ELK3: variants seen among roughly 807,000 people sequenced by gnomAD.
The protein encoded by ELK3 is ETS domain-containing protein Elk-3.
A neutral mutation model predicts 28.9 loss-of-function variants in ELK3; 10 were observed. The observed-to-expected ratio is 0.35, with a 90% confidence interval of 0.21 to 0.59. The LOEUF is 0.59. Ranked by LOEUF, ELK3 falls within the 20% of genes least tolerant of loss-of-function variation. The probability of loss-of-function intolerance (pLI) is 0.82; values close to 1 mark genes in which losing one functional copy is unlikely to be tolerated. For synonymous variants in ELK3, 272 were observed against 243.5 expected (o/e 1.12, Z -1.09); for missense variants, 463 against 517.3 (o/e 0.90, Z 1.02).
chr12:96,234,712 C>T (rs1420168485), intron 2 of ELK3, among the ~76,000 whole-genome samples: 1 of 152,156 alleles, frequency 6.6e-6, no homozygotes, highest in African/African-American at 2.4e-5. Flanking sequence ...TGCTGGTGGT[C>T]GATATTGAGC....
chr12:96,219,206 A>C (rs150683122), intron 1 of ELK3, among the ~76,000 whole-genome samples: 1 of 152,174 alleles, frequency 6.6e-6, no homozygotes, highest in African/African-American at 2.4e-5. Context: ...ACATTCCTTA[A>C]AGTGGCATCC....
At chr12:96,266,186 T>C (rs1952028139) in intron 4 of ELK3, among the ~76,000 whole-genome samples, 1 of 152,196 alleles carries the variant, frequency 6.6e-6, no homozygotes, top group African/African-American at 2.4e-5. Context: ...TGCAAAAACA[T>C]ATTTACTTAA....
chr12:96,257,912 T>C (rs1951963490), intron 3 of ELK3, among the ~76,000 whole-genome samples: 1 of 152,234 alleles, frequency 6.6e-6, no homozygotes, highest in South Asian at 2.1e-4. Flanking sequence ...TAATTACCAA[T>C]CCATTTATTC....
intron 4 of ELK3, among the ~76,000 whole-genome samples, chr12:96,263,178 C>CTATAGCAGGT (rs1480433004): frequency 1.3e-5 from 2 of 152,036 alleles, no homozygotes; most frequent in East Asian, 3.8e-4. Context: ...AATATGATTA[C>CTATAGCAGGT]TATAGCAGGT....
rs1952047260 is a variant in ELK3, at chr12:96,267,673, T to C, written c.*493T>C. On this transcript the variant is annotated 3_prime_UTR_variant, in exon 5 of 5. Transcript: ENST00000228741. Reference sequence around the variant, plus strand: ...AAACAGCTCTCTAGTAGAATTTCATTATTTTTCACCAGTGGGCAATATGAA... The same window carrying C: ...AAACAGCTCTCTAGTAGAATTTCATCATTTTTCACCAGTGGGCAATATGAA... 1 of 152,762 alleles carries C rather than the reference T, an allele frequency of 6.5e-6. No homozygotes were observed. Among genetic ancestry groups the C allele is most frequent in the Admixed American group, 6.5e-5 (1 of 15,294 alleles). The allele number at this position is 152,762 out of a possible 1,614,324, so 9.5% of individuals were successfully genotyped here.
chr12:96,216,804 G>C (rs1366230623), intron 1 of ELK3, among the ~76,000 whole-genome samples: 1 of 152,180 alleles, frequency 6.6e-6, no homozygotes, highest in Non-Finnish European at 1.5e-5. Context: ...TACCTATGAG[G>C]ATACTGAGGC....
At chr12:96,231,639 C>T (rs1463489090) in intron 2 of ELK3, among the ~76,000 whole-genome samples, 5 of 152,182 alleles carry the variant, frequency 3.3e-5, no homozygotes, top group Non-Finnish European at 7.3e-5. Context: ...ATTACAGGTG[C>T]GTCCCACCAT....
intron 1 of ELK3, among the ~76,000 whole-genome samples, chr12:96,217,733 C>A (rs905213921): frequency 6.6e-6 from 1 of 151,886 alleles, no homozygotes; most frequent in Non-Finnish European, 1.5e-5. Context: ...GTCAGGAGAT[C>A]GAGACCATCT....
rs34565681 is a variant in ELK3, at chr12:96,217,937, C to CAAAAAA, written c.-2-5613_-2-5608dup. 4.7e-5 allele frequency among the ~76,000 whole-genome samples: 4 copies of CAAAAAA among 85,708 alleles called. 1 individual carries two copies. Among genetic ancestry groups the CAAAAAA allele is most frequent in the Admixed American group, 1.3e-4 (1 of 7,688 alleles). The allele number at this position is 85,708 out of a possible 152,430, so 56.2% of individuals were successfully genotyped here. ...TGAGGGACAAAGAGAGACGCCGTCT[C>CAAAAAA]AAAAAAAAAAAAAAAAAAAATCATT... is the stretch of plus-strand genomic sequence containing the variant. On this transcript the variant is annotated intron_variant, in intron 1 of 4. Coordinates refer to ENST00000228741, the MANE Select transcript of ELK3 (RefSeq NM_005230.4).
chr12:96,208,855 C>T (rs896300785), intron 1 of ELK3, among the ~76,000 whole-genome samples: 2 of 152,060 alleles, frequency 1.3e-5, no homozygotes, highest in African/African-American at 4.8e-5. Flanking sequence ...GGTCCCGGGC[C>T]AGGTGCAGCT....
intron 3 of ELK3, among the ~76,000 whole-genome samples, chr12:96,256,764 G>A (rs1011369674): frequency 3.3e-5 from 5 of 152,232 alleles, no homozygotes; most frequent in Non-Finnish European, 7.3e-5. Flanking sequence ...GTTGAGGGGA[G>A]ATCAGGAAAG....
intron 3 of ELK3, among the ~76,000 whole-genome samples, chr12:96,248,414 T>G (rs572805452): frequency 6.6e-6 from 1 of 152,358 alleles, no homozygotes; most frequent in Non-Finnish European, 1.5e-5. Flanking sequence ...CTTGTCCAGC[T>G]GACAATTGCA....
chr12:96,256,489 T>G (rs1025375828), intron 3 of ELK3, among the ~76,000 whole-genome samples: 10 of 151,910 alleles, frequency 6.6e-5, no homozygotes, highest in African/African-American at 2.4e-4. Context: ...CTTCATGAAG[T>G]TGGAGCATGG....
intron 1 of ELK3, among the ~76,000 whole-genome samples, chr12:96,204,808 A>G (rs1951529576): frequency 2.6e-5 from 4 of 152,206 alleles, no homozygotes; most frequent in African/African-American, 9.6e-5. Flanking sequence ...CTAACACTAA[A>G]AGTTAACAAT....
At chr12:96,217,220 C>T (rs566459526) in intron 1 of ELK3, among the ~76,000 whole-genome samples, 7 of 152,376 alleles carry the variant, frequency 4.6e-5, no homozygotes, top group African/African-American at 1.7e-4. Context: ...CACTGCACTC[C>T]AGCCTGGCTG....
Position 96,206,829 on chromosome 12 carries a change from C to A in ELK3, c.-3+12124C>A, listed in dbSNP as rs2137002632. Among the ~76,000 whole-genome samples, 2 of 152,264 alleles carry A rather than the reference C, an allele frequency of 1.3e-5. 1 individual carries two copies. Among genetic ancestry groups the A allele is most frequent in the South Asian group, 4.1e-4 (2 of 4,822 alleles). On this transcript the variant is annotated intron_variant, in intron 1 of 4. Coordinates refer to ENST00000228741, the MANE Select transcript of ELK3 (RefSeq NM_005230.4). Reference sequence around the variant, plus strand: ...TGTTTGATGTTAATGCCACCAACAGCCAGTCTCTTCCATCAGATGCTTTTG... The same window carrying A: ...TGTTTGATGTTAATGCCACCAACAGACAGTCTCTTCCATCAGATGCTTTTG...
intron 2 of ELK3, among the ~76,000 whole-genome samples, chr12:96,245,943 TAAAAATACTGTCAATGAATGTCA>T (rs2137032045): frequency 6.6e-6 from 1 of 152,282 alleles, no homozygotes; most frequent in East Asian, 1.9e-4. Context: ...CGCTAGCAAC[TAAAAATACTGTCAATGAATGTCA>T]CAGATATCCA....
chr12:96,224,888 A>G (rs989393167), intron 2 of ELK3, among the ~76,000 whole-genome samples: 3 of 152,164 alleles, frequency 2.0e-5, no homozygotes, highest in East Asian at 1.9e-4. Flanking sequence ...CCGTCTGCCA[A>G]CCCCTTTGGA....
intron 3 of ELK3, among the ~76,000 whole-genome samples, chr12:96,249,580 C>T (rs1293657542): frequency 3.3e-5 from 5 of 152,206 alleles, no homozygotes; most frequent in Non-Finnish European, 5.9e-5. Flanking sequence ...ATCTGAGCAT[C>T]TCCTCCCCTG....
Sources: gnomAD v4.1 joint callset for allele counts (sites outside exome capture counted in the v4.1 genomes callset) on GRCh38, gnomAD v4.1.1 for gene constraint, MANE v1.5 for transcripts, NCBI Gene and HGNC (gene_info 2026-07-23, HGNC 2026-07-21) for gene names.